Variants in RALYL observed in about 807,000 individuals in gnomAD.
The protein encoded by RALYL is RALY RNA binding protein like.
RALYL carries 29 observed loss-of-function variants against 35.1 expected under a neutral mutation model. The observed-to-expected ratio is 0.83, with a 90% CI of 0.61 to 1.13. The LOEUF is 1.13. RALYL is among the 50% of genes most tolerant of loss of function. The pLI, the probability that RALYL is intolerant of heterozygous loss-of-function variation, is 0.00. For synonymous variants in RALYL, 120 were observed against 127.6 expected (o/e 0.94, Z 0.40); for missense variants, 359 against 360.4 (o/e 1.00, Z 0.03).
At chr8:84,641,053 T>A (rs2131370310) in intron 2 of RALYL, among the ~76,000 whole-genome samples, 1 of 151,706 alleles carries the variant, frequency 6.6e-6, no homozygotes, top group East Asian at 1.9e-4. Context: ...CTTTTCTACA[T>A]AACCAGTAAT....
At chr8:84,262,342 CCTT>C (rs1237369481) in intron 1 of RALYL, among the ~76,000 whole-genome samples, 1 of 151,994 alleles carries the variant, frequency 6.6e-6, no homozygotes, top group Non-Finnish European at 1.5e-5. Context: ...TTTCAAGTTT[CCTT>C]ATGTGCAAAG....
chr8:84,530,923 C>A (rs1449085466), intron 2 of RALYL, among the ~76,000 whole-genome samples: 1 of 152,064 alleles, frequency 6.6e-6, no homozygotes, highest in African/African-American at 2.4e-5. Flanking sequence ...TTTGCTATTC[C>A]CTCTGCTCAG....
In RALYL at chr8:84,657,050, T is replaced by A. The variant is rs556845587; in HGVS notation, c.257-117529T>A. ...GCCCACATTACATGAGTATAAGAAATTTCAGCTGCTGACACTGTAAAGATT... is the reference window on the plus strand; with the variant it reads ...GCCCACATTACATGAGTATAAGAAAATTCAGCTGCTGACACTGTAAAGATT... On this transcript the variant is annotated intron_variant, in intron 2 of 8. Coordinates refer to ENST00000521268, the MANE Select transcript of RALYL (RefSeq NM_173848.7). Among the ~76,000 whole-genome samples the A allele has an allele frequency of 3.9e-5, 6 of 152,276 alleles. No individual in the cohort carries two copies. In the South Asian group the frequency reaches 1.2e-3, roughly 32 times the overall value.
intron 2 of RALYL, among the ~76,000 whole-genome samples, chr8:84,572,826 A>G (rs1808339977): frequency 6.6e-6 from 1 of 151,692 alleles, no homozygotes; most frequent in Non-Finnish European, 1.5e-5. Flanking sequence ...TAAATTTACT[A>G]TCTTAACTGC....
At chr8:84,198,207 C>T (rs898705171) in intron 1 of RALYL, among the ~76,000 whole-genome samples, 7 of 152,094 alleles carry the variant, frequency 4.6e-5, no homozygotes, top group Non-Finnish European at 7.4e-5. Context: ...GGAGAAAGGA[C>T]GTAACTGCTA....
intron 1 of RALYL, among the ~76,000 whole-genome samples, chr8:84,328,760 C>G (rs1846287978): frequency 6.6e-6 from 1 of 152,132 alleles, no homozygotes; most frequent in Admixed American, 6.6e-5. Flanking sequence ...CCACCTCTCT[C>G]CCTCCCCACT....
Position 84,598,606 on chromosome 8 carries a change from A to G in RALYL, c.256+69029A>G, listed in dbSNP as rs945292125. Among the ~76,000 whole-genome samples the G allele has an allele frequency of 4.6e-5, 7 of 152,258 alleles. No homozygotes were observed. The South Asian group carries it at 1.5e-3, about 32-fold the overall frequency. ...TCTCACACTTAATAGTGGCTCAATC[A>G]GTGTTTGTTGAATAAATTAAAATGT... On this transcript the variant is annotated intron_variant, in intron 2 of 8. Coordinates refer to ENST00000521268, the MANE Select transcript of RALYL (RefSeq NM_173848.7).
chr8:84,541,645 C>G (rs184199477), intron 2 of RALYL, among the ~76,000 whole-genome samples: 1 of 152,116 alleles, frequency 6.6e-6, no homozygotes, highest in Admixed American at 6.6e-5. Context: ...GTCCTCTTTT[C>G]CATCAGTTAT....
chr8:84,673,877 A>G (rs575194079), intron 2 of RALYL, among the ~76,000 whole-genome samples: 9 of 152,106 alleles, frequency 5.9e-5, no homozygotes, highest in Non-Finnish European at 1.2e-4. Context: ...TTTTAGTTTC[A>G]TATGGATTTT....
intron 2 of RALYL, among the ~76,000 whole-genome samples, chr8:84,651,856 A>C (rs1412351507): frequency 1.3e-5 from 2 of 152,044 alleles, no homozygotes; most frequent in African/African-American, 4.8e-5. Context: ...AAAGCCTGTG[A>C]AAGAAAAGAG....
At chr8:84,350,856 T>G (rs919439510) in intron 1 of RALYL, among the ~76,000 whole-genome samples, 15 of 150,172 alleles carry the variant, frequency 1.0e-4, no homozygotes, top group African/African-American at 3.5e-4. Context: ...CTTTCTATGC[T>G]CCGAAGAGCT....
At chr8:84,816,304 T>C (rs1469268367) in intron 4 of RALYL, among the ~76,000 whole-genome samples, 2 of 152,198 alleles carry the variant, frequency 1.3e-5, no homozygotes, top group East Asian at 3.9e-4. Flanking sequence ...ACTTTGAGCA[T>C]ACACTCACAG....
intron 3 of RALYL, among the ~76,000 whole-genome samples, chr8:84,778,312 T>C (rs1817333995): frequency 1.3e-5 from 2 of 152,222 alleles, no homozygotes; most frequent in African/African-American, 4.8e-5. Flanking sequence ...CACTGAGGCA[T>C]AACTTTGATT....
intron 1 of RALYL, among the ~76,000 whole-genome samples, chr8:84,262,918 T>C (rs1832585549): frequency 6.6e-6 from 1 of 152,182 alleles, no homozygotes; most frequent in South Asian, 2.1e-4. Flanking sequence ...AGGGTAATGG[T>C]CAAATCAATT....
At chr8:84,690,863 G>T (rs1279246817) in intron 2 of RALYL, among the ~76,000 whole-genome samples, 1 of 151,936 alleles carries the variant, frequency 6.6e-6, no homozygotes, top group Non-Finnish European at 1.5e-5. Flanking sequence ...AGATTTTGGA[G>T]ATATTGGTGA....
intron 2 of RALYL, among the ~76,000 whole-genome samples, chr8:84,722,807 T>G (rs1253293229): frequency 6.7e-6 from 1 of 150,238 alleles, no homozygotes; most frequent in African/African-American, 2.4e-5. Context: ...TATATATATA[T>G]AGTGTGACAA....
At chr8:84,778,981 C>T (rs930670056) in intron 3 of RALYL, among the ~76,000 whole-genome samples, 5 of 152,142 alleles carry the variant, frequency 3.3e-5, no homozygotes, top group Admixed American at 2.6e-4. Context: ...TAAAGACAGA[C>T]AATTCATTAA....
At chr8:84,454,338 A>G (rs766857097) in intron 1 of RALYL, among the ~76,000 whole-genome samples, 6,539 of 152,014 alleles carry the variant, frequency 0.043, 167 homozygotes, top group Middle Eastern at 0.078. Context: ...AACCTTTTTT[A>G]AAAATCTGGT....
chr8:84,544,182 A>T (rs2060203447), intron 2 of RALYL, among the ~76,000 whole-genome samples: 1 of 152,056 alleles, frequency 6.6e-6, no homozygotes, highest in African/African-American at 2.4e-5. Context: ...ACACAGTTTT[A>T]ATGTTTGATT....
Sources: allele counts gnomAD v4.1 joint callset (sites outside exome capture counted in the v4.1 genomes callset), GRCh38; gene constraint gnomAD v4.1.1; transcripts MANE v1.5; gene names NCBI Gene and HGNC (gene_info 2026-07-23, HGNC 2026-07-21).